Variants in LNPK observed in about 807,000 individuals in gnomAD.
LNPK encodes the protein lunapark, ER junction formation factor.
A neutral mutation model predicts 55.2 loss-of-function variants in LNPK; 29 were observed. The ratio of observed to expected loss-of-function variants is 0.53; its 90% CI spans 0.39 to 0.72. LNPK has a LOEUF of 0.72. Among genes scored for constraint, LNPK ranks in the 30% least tolerant of loss-of-function variants. The pLI is 0.00. For synonymous variants in LNPK, 162 were observed against 168.2 expected, an observed-to-expected ratio of 0.96 and a Z score of 0.29; for missense variants, 467 against 494.8, an observed-to-expected ratio of 0.94 and a Z score of 0.53.
chr2:175,931,767 T>C (rs1312767707), intron 12 of LNPK, among the ~76,000 whole-genome samples: 1 of 152,158 alleles, frequency 6.6e-6, no homozygotes, highest in Non-Finnish European at 1.5e-5. Flanking sequence ...ATTTTGTTAT[T>C]TCAATGTTCC....
chr2:175,969,233 A>G (rs1012979418), intron 6 of LNPK, among the ~76,000 whole-genome samples: 8 of 152,224 alleles, frequency 5.3e-5, no homozygotes, highest in African/African-American at 1.9e-4. Context: ...ATATTGAATT[A>G]TTAATATTGA....
Position 175,929,939 on chromosome 2 carries a change from T to C in LNPK, c.*28A>G. 6.2e-7 allele frequency: 1 copy of C among 1,612,534 alleles called. No individual in the cohort carries two copies. Among genetic ancestry groups the C allele is most frequent in the Non-Finnish European group, 8.5e-7 (1 of 1,179,182 alleles). On this transcript the variant is annotated 3_prime_UTR_variant, in exon 13 of 13. Coordinates refer to ENST00000272748, the MANE Select transcript of LNPK (RefSeq NM_030650.3). ...ACTGACATCAGTAAGACTATAAATA[T>C]CCAGTTGAAGGCACGTGGAAGCATT... is the stretch of plus-strand genomic sequence containing the variant.
intron 4 of LNPK, among the ~76,000 whole-genome samples, chr2:175,991,576 A>C (rs1687703633): frequency 6.6e-6 from 1 of 152,170 alleles, no homozygotes; most frequent in African/African-American, 2.4e-5. Flanking sequence ...TCTGTTTATA[A>C]CATTCATCAT....
intron 5 of LNPK, among the ~76,000 whole-genome samples, chr2:175,972,707 C>A (rs1686716616): frequency 6.6e-6 from 1 of 152,128 alleles, no homozygotes; most frequent in Non-Finnish European, 1.5e-5. Context: ...TGTCTTTTCA[C>A]AGAGGTAGTT....
At chr2:175,956,816 G>A (rs550394188) in intron 8 of LNPK, among the ~76,000 whole-genome samples, 1 of 151,922 alleles carries the variant, frequency 6.6e-6, no homozygotes, top group East Asian at 1.9e-4. Context: ...TCAGCTCCTG[G>A]CCCCCTTATC....
chr2:175,937,318 G>A (rs1198532576), intron 12 of LNPK, 26 bp downstream of exon 12: 1 of 1,598,162 alleles, frequency 6.3e-7, no homozygotes, highest in Non-Finnish European at 8.5e-7. Context: ...GTTATTAAGG[G>A]GCAAAACTGT....
In LNPK at chr2:176,002,261, G is replaced by C. The variant is rs539405401; in HGVS notation, c.-164C>G. On this transcript the variant is annotated 5_prime_UTR_variant, in exon 1 of 13. Transcript: ENST00000272748. ...GAGCAGGCAGCAGCCGCCACTGACA[G>C]AGAGACAAGCCGGGCCAACTCCTTC... 2 of 450,038 alleles carry C rather than the reference G, an allele frequency of 4.4e-6. No homozygotes were observed. The highest frequency in any genetic ancestry group is 7.3e-5 in the East Asian group (1 of 13,714). 27.9% of individuals were successfully genotyped at this position (450,038 alleles called of 1,614,324 possible). A position where few individuals can be genotyped will look rare whatever the true frequency, so the allele number is the denominator to read the frequency against.
chr2:175,993,834 C>T lies in LNPK; in HGVS notation c.28-611G>A, dbSNP rs149854729. On this transcript the variant is annotated intron_variant, in intron 2 of 12. Coordinates refer to ENST00000272748, the MANE Select transcript of LNPK (RefSeq NM_030650.3). The stretch of plus-strand genomic sequence containing the variant: ...TAAATTAAAAAATTTAAAAAACACA[C>T]GTTTTCCTCCAAAAAAAATTCTTAG... 5.6e-3 allele frequency among the ~76,000 whole-genome samples: 854 copies of T among 151,864 alleles called. 7 individuals are homozygous for T. Among genetic ancestry groups the T allele is most frequent in the African/African-American group, 0.018 (726 of 41,418 alleles).
At chr2:175,942,835 T>A (rs1684923703) in intron 9 of LNPK, among the ~76,000 whole-genome samples, 3 of 145,286 alleles carry the variant, frequency 2.1e-5, no homozygotes, top group East Asian at 2.0e-4. Flanking sequence ...AGAGAGGAAA[T>A]TAATACAACA....
intron 1 of LNPK, among the ~76,000 whole-genome samples, 158 bp from the exon 2 acceptor site, chr2:175,995,804 C>CT (rs10674444): frequency 0.29 from 18,981 of 64,464 alleles, 7,195 homozygotes; most frequent in Non-Finnish European, 0.37. Context: ...TAGAGTCTAC[C>CT]TTTTTTTTTT....
intron 5 of LNPK, among the ~76,000 whole-genome samples, chr2:175,973,325 G>T (rs1335191403): frequency 6.6e-6 from 1 of 152,130 alleles, no homozygotes. Context: ...CTGCTGTGAG[G>T]CAAGTCAAGA....
At chr2:175,950,268 T>C (rs1230114421) in intron 8 of LNPK, among the ~76,000 whole-genome samples, 1 of 152,018 alleles carries the variant, frequency 6.6e-6, no homozygotes, top group Non-Finnish European at 1.5e-5. Flanking sequence ...AGGTTACTTA[T>C]TAAGGGTTAT....
At chr2:175,949,623 C>T (rs575255412) in intron 8 of LNPK, among the ~76,000 whole-genome samples, 14 of 152,158 alleles carry the variant, frequency 9.2e-5, no homozygotes, top group Non-Finnish European at 1.8e-4. Context: ...ACCTGAAATG[C>T]TTTTACTATC....
At chr2:175,987,431 C>G (rs1238202954) in intron 4 of LNPK, among the ~76,000 whole-genome samples, 1 of 152,034 alleles carries the variant, frequency 6.6e-6, no homozygotes, top group Non-Finnish European at 1.5e-5. Context: ...GGACAAAAAA[C>G]CAAACACCGC....
chr2:175,954,594 T>C (rs1216083651), intron 8 of LNPK, among the ~76,000 whole-genome samples: 1 of 152,214 alleles, frequency 6.6e-6, no homozygotes, highest in Non-Finnish European at 1.5e-5. Context: ...TAAAAATACA[T>C]TTTGCTTTAT....
Position 175,928,974 on chromosome 2 carries a change from A to G in LNPK, c.*993T>C. ...ATTTCTGTTAACTAGAAAGGAAACA[A>G]GTCTGAATAAAAGTACCATAATTTG... On this transcript the variant is annotated 3_prime_UTR_variant, in exon 13 of 13. Transcript: ENST00000272748. The G allele has an allele frequency of 6.7e-6, 2 of 296,970 alleles. No individual in the cohort carries two copies. The highest frequency in any genetic ancestry group is 1.0e-5 in the Non-Finnish European group (2 of 200,118). 18.4% of individuals were successfully genotyped at this position (296,970 alleles called of 1,614,324 possible). A position where few individuals can be genotyped will look rare whatever the true frequency, so the allele number is the denominator to read the frequency against.
chr2:175,975,725 G>A (rs1275372754), intron 5 of LNPK, among the ~76,000 whole-genome samples: 1 of 152,108 alleles, frequency 6.6e-6, no homozygotes, highest in African/African-American at 2.4e-5. Context: ...AAACTGTAAG[G>A]TCCAGCTGGG....
chr2:175,943,909 G>C (rs989628402), intron 9 of LNPK, among the ~76,000 whole-genome samples: 1 of 151,994 alleles, frequency 6.6e-6, no homozygotes, highest in Admixed American at 6.6e-5. Context: ...TATTACCATT[G>C]TACTGAAGGT....
chr2:175,967,806 A>G (rs537364707), intron 6 of LNPK: 1 of 951,234 alleles, frequency 1.1e-6, no homozygotes, highest in Non-Finnish European at 1.3e-6. Flanking sequence ...GTGTAGCCTA[A>G]GGTGAATATT....
Sources: gnomAD v4.1 joint callset for allele counts (sites outside exome capture counted in the v4.1 genomes callset) on GRCh38, gnomAD v4.1.1 for gene constraint, MANE v1.5 for transcripts, NCBI Gene and HGNC (gene_info 2026-07-23, HGNC 2026-07-21) for gene names.